The following HIPK1 variants were observed in gnomAD, a reference collection of about 807,000 sequenced individuals.
The protein encoded by HIPK1 is homeodomain interacting protein kinase 1.
Under a neutral mutation model 117.1 loss-of-function variants are expected in HIPK1, and 28 were observed. The observed-to-expected ratio is 0.24, with a 90% CI of 0.18 to 0.33. The LOEUF (loss-of-function observed/expected upper bound fraction) is 0.33. Among genes scored for constraint, HIPK1 ranks in the 10% least tolerant of loss-of-function variants. HIPK1 has a pLI of 1.00. For missense variants in HIPK1, 1,122 were observed against 1,475.1 expected, an observed-to-expected ratio of 0.76 and a Z score of 3.92; for synonymous variants, 605 against 562.5, an observed-to-expected ratio of 1.08 and a Z score of -1.07.
intron 2 of HIPK1, among the ~76,000 whole-genome samples, chr1:113,944,069 A>G (rs948484442): frequency 1.3e-5 from 2 of 149,208 alleles, no homozygotes; most frequent in African/African-American, 2.5e-5. Context: ...GCCTCAAGCC[A>G]TCCTCCTGCC....
At position 113,929,533 on chromosome 1, in the gene HIPK1, G is replaced by GT. The variant is rs1252550823; in HGVS notation, c.-3+2dup. 5.4e-6 allele frequency: 7 copies of GT among 1,287,596 alleles called. No individual in the cohort carries two copies. In the African/African-American group the frequency reaches 1.1e-4, roughly 20 times the overall value. 79.8% of individuals were successfully genotyped at this position (1,287,596 alleles called of 1,614,324 possible). On this transcript the variant is annotated splice_donor_variant, in intron 1 of 15. Coordinates refer to ENST00000426820, the MANE Select transcript of HIPK1 (RefSeq NM_198268.3). LOFTEE classifies it low-confidence loss of function (5UTR_SPLICE). ...TCCATTCAGCTGCACTTCCGCCTCA[G>GT]TAGGTGTCATGGCGCGGGGCGGGTG...
intron 1 of HIPK1, among the ~76,000 whole-genome samples, chr1:113,939,841 G>A (rs1355812411): frequency 6.9e-6 from 1 of 143,988 alleles, no homozygotes; most frequent in African/African-American, 2.6e-5. Flanking sequence ...AAGTGTCTGT[G>A]GGATATTCAG....
chr1:113,971,239 A>G (rs538293168), intron 14 of HIPK1, among the ~76,000 whole-genome samples: 1 of 152,238 alleles, frequency 6.6e-6, no homozygotes, highest in East Asian at 1.9e-4. Flanking sequence ...AATTATTAGT[A>G]CCTCCGTGTG....
At chr1:113,937,757 A>T (rs1360441906) in intron 1 of HIPK1, among the ~76,000 whole-genome samples, 1 of 152,058 alleles carries the variant, frequency 6.6e-6, no homozygotes, top group Non-Finnish European at 1.5e-5. Flanking sequence ...GGGTGATCGT[A>T]GGGAGCGTTT....
Position 113,941,756 on chromosome 1 carries a change from T to A in HIPK1, c.1076+297T>A, listed in dbSNP as rs572652793. Among the ~76,000 whole-genome samples, 7 of 152,002 alleles carry A rather than the reference T, an allele frequency of 4.6e-5. No homozygotes were observed. The highest frequency in any genetic ancestry group is 7.4e-5 in the Non-Finnish European group (5 of 67,962). On this transcript the variant is annotated intron_variant, in intron 2 of 15. Transcript: ENST00000426820. The surrounding 1 kb of genome is among the most constrained non-coding windows in gnomAD (Gnocchi z 4.9). Reference sequence around the variant, plus strand: ...CCTCATTTTCCCATTTTATTTATTTTATTTATTTATTTATTTATTTAGAGA... The same window carrying A: ...CCTCATTTTCCCATTTTATTTATTTAATTTATTTATTTATTTATTTAGAGA...
At chr1:113,972,627 A>C (rs1337511694) in intron 15 of HIPK1, among the ~76,000 whole-genome samples, 1 of 152,218 alleles carries the variant, frequency 6.6e-6, no homozygotes, top group Admixed American at 6.5e-5. Flanking sequence ...CCACATTTCA[A>C]GAGGGGTATG....
At chr1:113,961,816 C>T (rs1055857832) in intron 8 of HIPK1, among the ~76,000 whole-genome samples, 7 of 151,702 alleles carry the variant, frequency 4.6e-5, no homozygotes, top group African/African-American at 1.5e-4. Flanking sequence ...TGGTGGCGCA[C>T]TCCTGTAGTC....
intron 2 of HIPK1, among the ~76,000 whole-genome samples, chr1:113,942,461 A>C (rs1287865219): frequency 6.6e-6 from 1 of 152,196 alleles, no homozygotes; most frequent in Non-Finnish European, 1.5e-5. Flanking sequence ...TTGGCAGGTA[A>C]AATAACGTGG....
intron 1 of HIPK1, 198 bp downstream of exon 1, chr1:113,929,730 G>A (rs1669712219): frequency 2.3e-6 from 2 of 868,872 alleles, no homozygotes; most frequent in African/African-American, 1.9e-5. Context: ...CGGCGGCGGC[G>A]GGAAGGGGCT....
In HIPK1 at chr1:113,929,507, G is replaced by C. The variant is rs144510521; in HGVS notation, c.-28G>C. On this transcript the variant is annotated 5_prime_UTR_variant, in exon 1 of 16. Coordinates refer to ENST00000426820, the MANE Select transcript of HIPK1 (RefSeq NM_198268.3). The stretch of plus-strand genomic sequence containing the variant: ...CAGTACTATGCGATCGTCCTAGAGA[G>C]TCCATTCAGCTGCACTTCCGCCTCA... 7.8e-7 allele frequency: 1 copy of C among 1,288,744 alleles called. No homozygotes were observed. The highest frequency in any genetic ancestry group is 1.2e-5 in the South Asian group (1 of 80,988). 79.8% of individuals were successfully genotyped at this position (1,288,744 alleles called of 1,614,324 possible).
intron 1 of HIPK1, chr1:113,929,935 C>T (rs1221713637): frequency 2.0e-6 from 2 of 985,538 alleles, no homozygotes; most frequent in Non-Finnish European, 1.2e-6. Flanking sequence ...CCAGACACAC[C>T]GGCGGTGAGT....
Position 113,952,715 on chromosome 1 carries a change from TC to T in HIPK1, c.1077-48del, listed in dbSNP as rs759690880. 13 of 1,314,772 alleles carry T rather than the reference TC, an allele frequency of 9.9e-6. No individual in the cohort carries two copies. In the South Asian group the frequency reaches 2.4e-4, roughly 24 times the overall value. The allele number at this position is 1,314,772 out of a possible 1,614,324, so 81.4% of individuals were successfully genotyped here. A position where few individuals can be genotyped will look rare whatever the true frequency, so the allele number is the denominator to read the frequency against. ...CAGGACTTAGTCATGTAGTTAATTT[TC>T]CCAAATAATGTTTTTTTTTTTTTAA... On this transcript the variant is annotated intron_variant, in intron 2 of 15. Coordinates refer to ENST00000426820, the MANE Select transcript of HIPK1 (RefSeq NM_198268.3).
intron 1 of HIPK1, among the ~76,000 whole-genome samples, chr1:113,939,000 G>A (rs889050792): frequency 6.6e-5 from 10 of 150,658 alleles, no homozygotes; most frequent in Admixed American, 6.0e-4. Context: ...GATTAGATGT[G>A]GAGGAATAAG....
In HIPK1 at chr1:113,974,973, A is replaced by G. The variant is rs182339766; in HGVS notation, c.*1461A>G. 6.5e-6 allele frequency: 1 copy of G among 152,840 alleles called. No homozygotes were observed. The highest frequency in any genetic ancestry group is 1.9e-4 in the East Asian group (1 of 5,320). The allele number at this position is 152,840 out of a possible 1,614,324, so 9.5% of individuals were successfully genotyped here. A position where few individuals can be genotyped will look rare whatever the true frequency, so the allele number is the denominator to read the frequency against. On this transcript the variant is annotated 3_prime_UTR_variant, in exon 16 of 16. Coordinates refer to ENST00000426820, the MANE Select transcript of HIPK1 (RefSeq NM_198268.3). Reference sequence around the variant, plus strand: ...CTGATACTTGTTGGAATGTATGTGAACTAATTGCAATTATATTAGAGCATA... The same window carrying G: ...CTGATACTTGTTGGAATGTATGTGAGCTAATTGCAATTATATTAGAGCATA...
intron 9 of HIPK1, among the ~76,000 whole-genome samples, chr1:113,962,734 G>A (rs1355940883): frequency 6.6e-6 from 1 of 151,824 alleles, no homozygotes; most frequent in Non-Finnish European, 1.5e-5. Flanking sequence ...GTTGTTGTTT[G>A]TTTTTTAAAT....
At chr1:113,959,193 AG>A (rs1048486121) in intron 8 of HIPK1, among the ~76,000 whole-genome samples, 64 of 152,208 alleles carry the variant, frequency 4.2e-4, no homozygotes, top group Admixed American at 4.1e-3. Flanking sequence ...ACATAGAAGC[AG>A]GTAGCATTTT....
intron 1 of HIPK1, among the ~76,000 whole-genome samples, chr1:113,936,361 G>T (rs1214342202): frequency 6.6e-6 from 1 of 152,176 alleles, no homozygotes; most frequent in Non-Finnish European, 1.5e-5. Context: ...AGTGCCCAGT[G>T]TGAAGATCTG....
rs140321610 is a variant in HIPK1, at chr1:113,963,348, C to T, written c.2104-39C>T. The T allele has an allele frequency of 1.0e-3, 1,639 of 1,607,834 alleles. 16 individuals carry two copies. The African/African-American group carries it at 0.02, about 19-fold the overall frequency. On this transcript the variant is annotated intron_variant, in intron 9 of 15. Transcript: ENST00000426820. Reference sequence around the variant, plus strand: ...CCTTCTGAATCCAGATATCCTGCCTCCGTGTTTGTTTCACTCACCTGCCTA... The same window carrying T: ...CCTTCTGAATCCAGATATCCTGCCTTCGTGTTTGTTTCACTCACCTGCCTA...
At chr1:113,969,909 A>C in intron 13 of HIPK1, 47 bp from the exon 14 acceptor site, 1 of 1,606,922 alleles carries the variant, frequency 6.2e-7, no homozygotes. Flanking sequence ...GCTGTCACAC[A>C]CACAAAAAAG....
Sources: allele counts gnomAD v4.1 joint callset (sites outside exome capture counted in the v4.1 genomes callset), GRCh38; gene constraint gnomAD v4.1.1; non-coding constraint Gnocchi (gnomAD v3.1); transcripts MANE v1.5; gene names NCBI Gene and HGNC (gene_info 2026-07-23, HGNC 2026-07-21).